Variants in CEP164 observed in about 807,000 individuals in gnomAD.
CEP164 encodes the protein centrosomal protein of 164 kDa.
A neutral mutation model predicts 182.7 loss-of-function variants in CEP164; 162 were observed. That is an observed-to-expected ratio of 0.89 (90% confidence interval 0.78 to 1.01). The LOEUF (loss-of-function observed/expected upper bound fraction) is 1.01. Ranked by LOEUF, CEP164 falls within the 50% of genes least tolerant of loss-of-function variation. The pLI, the probability that CEP164 is intolerant of heterozygous loss-of-function variation, is 0.00. For missense variants in CEP164, 1,735 were observed against 1,790.4 expected, an observed-to-expected ratio of 0.97 and a Z score of 0.56; for synonymous variants, 661 against 690.0, an observed-to-expected ratio of 0.96 and a Z score of 0.66.
At chr11:117,400,709 G>T (rs1358680063) in intron 27 of CEP164, among the ~76,000 whole-genome samples, 1 of 152,162 alleles carries the variant, frequency 6.6e-6, no homozygotes, top group Admixed American at 6.5e-5. Context: ...CACATCCCTT[G>T]TAAGTTGGAT....
At chr11:117,393,227 A>ACACATGCACACACACATGCACGCACATG in intron 20 of CEP164, 101 bp downstream of exon 20, 1 of 1,480,716 alleles carries the variant, frequency 6.8e-7, no homozygotes, top group Middle Eastern at 2.2e-4. Flanking sequence ...ACATGCACAC[A>ACACATGCACACACACATGCACGCACATG]CACCCCGGGG....
intron 1 of CEP164, among the ~76,000 whole-genome samples, chr11:117,334,504 C>A (rs964408472): frequency 4.6e-5 from 7 of 152,094 alleles, no homozygotes; most frequent in Non-Finnish European, 1.0e-4. Flanking sequence ...TTAAATATAT[C>A]GCCAGGTGCG....
intron 3 of CEP164, among the ~76,000 whole-genome samples, chr11:117,343,501 A>C (rs1048113382): frequency 2.0e-5 from 3 of 152,212 alleles, no homozygotes; most frequent in Non-Finnish European, 4.4e-5. Context: ...AGCTTTTGCA[A>C]ATCTTGGGAG....
At position 117,396,629 on chromosome 11, in the gene CEP164, G is replaced by A. The variant is rs764916216; in HGVS notation, c.3278+18G>A. 1.2e-6 allele frequency: 2 copies of A among 1,601,730 alleles called. No homozygotes were observed. Among genetic ancestry groups the A allele is most frequent in the African/African-American group, 2.7e-5 (2 of 74,800 alleles). On this transcript the variant is annotated intron_variant, in intron 26 of 32. Coordinates refer to ENST00000278935, the MANE Select transcript of CEP164 (RefSeq NM_014956.5). ...TTGGACAGGTGAGTTCCCATAGCCT[G>A]TCTTATTTGAGGTTAGGGTACCATG... is the stretch of plus-strand genomic sequence containing the variant.
chr11:117,371,473 C>T lies in CEP164; in HGVS notation c.1152+7C>T, dbSNP rs1690087183. 1.2e-6 allele frequency: 2 copies of T among 1,600,986 alleles called. No individual in the cohort carries two copies. Among genetic ancestry groups the T allele is most frequent in the Non-Finnish European group, 1.7e-6 (2 of 1,174,294 alleles). ...CAGTTCAGACGCCAGCCAAGTAAGT[C>T]ACTGTATCCCATAGGCAGGGGTTGG... On this transcript the variant is annotated splice_region_variant and intron_variant, in intron 9 of 32. Coordinates refer to ENST00000278935, the MANE Select transcript of CEP164 (RefSeq NM_014956.5).
chr11:117,354,766 TTTTA>T (rs147463962), intron 5 of CEP164, among the ~76,000 whole-genome samples: 31,879 of 149,114 alleles, frequency 0.21, 3,562 homozygotes, highest in African/African-American at 0.27. Flanking sequence ...TTGCTATTGA[TTTTA>T]TTTATTTATT....
intron 27 of CEP164, among the ~76,000 whole-genome samples, chr11:117,399,435 A>C (rs2045898416): frequency 6.6e-6 from 1 of 152,226 alleles, no homozygotes; most frequent in Admixed American, 6.5e-5. Flanking sequence ...ACAGTGCTGC[A>C]ATAAACATAT....
intron 4 of CEP164, among the ~76,000 whole-genome samples, chr11:117,345,120 G>A (rs1030856794): frequency 6.6e-6 from 1 of 152,146 alleles, no homozygotes; most frequent in Admixed American, 6.5e-5. Context: ...TCACATTCAT[G>A]GATTCATTGA....
upstream of CEP164, among the ~76,000 whole-genome samples, chr11:117,323,202 A>T (rs2035317192): frequency 6.6e-6 from 1 of 151,952 alleles, no homozygotes; most frequent in Non-Finnish European, 1.5e-5. Context: ...TGCCCAGCCT[A>T]TTCCTTCTAA....
chr11:117,394,820 G>T lies in CEP164; in HGVS notation c.2761-100G>T. 8.5e-7 allele frequency: 1 copy of T among 1,182,156 alleles called. No individual in the cohort carries two copies. The highest frequency in any genetic ancestry group is 1.2e-6 in the Non-Finnish European group (1 of 804,660). The allele number at this position is 1,182,156 out of a possible 1,614,324, so 73.2% of individuals were successfully genotyped here. ...CAGCGAGGAAGCCTGAGCCCAGAGT[G>T]GAGGTTGTGGTGTGGCATGGTGGGT... On this transcript the variant is annotated intron_variant, in intron 21 of 32. Transcript: ENST00000278935. This position sits in a 1 kb window ranked among gnomAD's most constrained non-coding sequence, Gnocchi z 4.0.
intron 27 of CEP164, 51 bp from the exon 28 acceptor site, chr11:117,407,874 C>T (rs1195025176): frequency 1.4e-6 from 2 of 1,396,938 alleles, no homozygotes; most frequent in Non-Finnish European, 2.0e-6. Flanking sequence ...GGTTGGGACT[C>T]CAGCGTCTGT....
At chr11:117,341,739 C>T (rs1239331461) in intron 3 of CEP164, among the ~76,000 whole-genome samples, 1 of 152,048 alleles carries the variant, frequency 6.6e-6, no homozygotes, top group Admixed American at 6.6e-5. Context: ...CATCACCATA[C>T]CTGGCTATAC....
intron 5 of CEP164, chr11:117,355,630 C>T: frequency 8.4e-7 from 1 of 1,196,888 alleles, no homozygotes; most frequent in African/African-American, 1.6e-5. Flanking sequence ...TGTTAGATAG[C>T]AGCCCTACTG....
intron 9 of CEP164, among the ~76,000 whole-genome samples, chr11:117,372,904 G>A (rs1047970171): frequency 1.3e-5 from 2 of 152,218 alleles, no homozygotes; most frequent in South Asian, 2.1e-4. Flanking sequence ...GTCCATTTTT[G>A]TGGCTTTTTC....
Position 117,407,961 on chromosome 11 carries a change from C to G in CEP164, c.3538C>G (p.Arg1180Gly). ...RHLDEMKSAM[R>G]KGHNLLKKKE... Reference sequence around the variant, plus strand: ...CCTGGATGAGATGAAGTCGGCCATGCGGAAAGGCCACAACCTGCTGAAGAA... The same window carrying G: ...CCTGGATGAGATGAAGTCGGCCATGGGGAAAGGCCACAACCTGCTGAAGAA... Residue 1180 changes from arginine (R) to glycine (G), a missense_variant, in exon 28 of 33, where the codon CGG (arginine) becomes GGG (glycine). Coordinates refer to ENST00000278935, the MANE Select transcript of CEP164 (RefSeq NM_014956.5). 3 of 1,600,902 alleles carry G rather than the reference C, an allele frequency of 1.9e-6. No individual in the cohort carries two copies. Among genetic ancestry groups the G allele is most frequent in the Non-Finnish European group, 2.6e-6 (3 of 1,173,708 alleles).
intron 18 of CEP164, 93 bp from the exon 19 acceptor site, chr11:117,392,403 A>G: frequency 1.9e-6 from 3 of 1,558,484 alleles, no homozygotes; most frequent in Non-Finnish European, 2.6e-6. Context: ...GCCCTGGGGG[A>G]TGGATGCCAG....
Position 117,359,602 on chromosome 11 carries a change from G to A in CEP164, c.394-2233G>A, listed in dbSNP as rs186679267. The A allele has an allele frequency of 1.8e-4, 180 of 985,300 alleles. No individual in the cohort carries two copies. In the African/African-American group the frequency reaches 2.2e-3, roughly 12 times the overall value. 61.0% of individuals were successfully genotyped at this position (985,300 alleles called of 1,614,324 possible). A position where few individuals can be genotyped will look rare whatever the true frequency, so the allele number is the denominator to read the frequency against. On this transcript the variant is annotated intron_variant, in intron 5 of 32. Transcript: ENST00000278935. ...TCTGAACCTCAGCCTGACCGCCTCTGGGTTTCCTTTTCTCTCTTCAGTCTT... is the reference window on the plus strand; with the variant it reads ...TCTGAACCTCAGCCTGACCGCCTCTAGGTTTCCTTTTCTCTCTTCAGTCTT...
chr11:117,412,163 T>C lies in CEP164; in HGVS notation c.4378T>C (p.Phe1460Leu). 6.2e-7 allele frequency: 1 copy of C among 1,613,984 alleles called. No individual in the cohort carries two copies. The highest frequency in any genetic ancestry group is 8.5e-7 in the Non-Finnish European group (1 of 1,179,940). The change falls in exon 33 of 33, where the codon TTC (phenylalanine) becomes CTC (leucine). Residue 1460 changes from phenylalanine (F) to leucine (L), a missense_variant. Transcript: ENST00000278935. ...DEHNRVKVYR[F>L] ...GCACAACAGAGTGAAGGTGTATCGCTTCTGAGGCCCTGAGCAGGGGCTTGG... is the reference window on the plus strand; with the variant it reads ...GCACAACAGAGTGAAGGTGTATCGCCTCTGAGGCCCTGAGCAGGGGCTTGG...
chr11:117,397,524 A>G (rs1431253982), intron 27 of CEP164, among the ~76,000 whole-genome samples: 2 of 152,242 alleles, frequency 1.3e-5, no homozygotes, highest in African/African-American at 2.4e-5. Context: ...TGATAACACT[A>G]TTAGTCCATT....
Sources: gnomAD v4.1 joint callset for allele counts (sites outside exome capture counted in the v4.1 genomes callset) on GRCh38, gnomAD v4.1.1 for gene constraint, Gnocchi (gnomAD v3.1) non-coding constraint, MANE v1.5 for transcripts, NCBI Gene and HGNC (gene_info 2026-07-23, HGNC 2026-07-21) for gene names.